JPH2: variants seen among roughly 807,000 people sequenced by gnomAD.
JPH2 encodes junctophilin-2.
A neutral mutation model predicts 55.9 loss-of-function variants in JPH2; 38 were observed. The observed-to-expected ratio is 0.68, with a 90% CI of 0.52 to 0.89. The LOEUF is 0.89. JPH2 is among the 40% of genes least tolerant of loss of function. JPH2 has a pLI of 0.00. For missense variants in JPH2, 964 were observed against 1,037.6 expected, an observed-to-expected ratio of 0.93 and a Z score of 0.97; for synonymous variants, 480 against 472.4, an observed-to-expected ratio of 1.02 and a Z score of -0.21.
At chr20:44,134,807 A>G (rs1360979086) in intron 2 of JPH2, among the ~76,000 whole-genome samples, 2 of 115,488 alleles carry the variant, frequency 1.7e-5, no homozygotes, top group African/African-American at 6.7e-5. Context: ...TTTATTATAA[A>G]TATATATAAA....
chr20:44,116,307 G>T lies in JPH2; in HGVS notation c.1368C>A (p.Gly456=). 1.3e-6 allele frequency: 2 copies of T among 1,541,338 alleles called. No homozygotes were observed. Among genetic ancestry groups the T allele is most frequent in the East Asian group, 2.5e-5 (1 of 40,582 alleles). The change falls in exon 4 of 6, where the codon GGC becomes GGA. Residue 456 remains glycine (G), a synonymous_variant. Coordinates refer to ENST00000372980, the MANE Select transcript of JPH2 (RefSeq NM_020433.5). ...GCTGTGGGAGGCCCGCTGCGCCGGC[G>T]CCCCGGTCGGGGGGCTCCAGCAGGC... is the stretch of plus-strand genomic sequence containing the variant. ...SESLLEPPDR[G]AGAAGLPQPP...
At position 44,162,787 on chromosome 20, in the gene JPH2, TACACAC is replaced by T. The variant is rs765198116; in HGVS notation, c.380-2386_380-2381del. Among the ~76,000 whole-genome samples, 145 of 40,956 alleles carry T rather than the reference TACACAC, an allele frequency of 3.5e-3. 2 individuals are homozygous for T. Among genetic ancestry groups the T allele is most frequent in the African/African-American group, 6.7e-3 (54 of 8,082 alleles). 26.9% of individuals were successfully genotyped at this position (40,956 alleles called of 152,430 possible). A position where few individuals can be genotyped will look rare whatever the true frequency, so the allele number is the denominator to read the frequency against. On this transcript the variant is annotated intron_variant, in intron 1 of 5. Coordinates refer to ENST00000372980, the MANE Select transcript of JPH2 (RefSeq NM_020433.5). ...ATATATATATATATATATATATATA[TACACAC>T]ACACACACACACACACACACACACA...
rs188188836 is a variant in JPH2 at position 44,177,113 on chromosome 20, G to T, written c.379+9214C>A. 9.9e-5 allele frequency: 98 copies of T among 985,580 alleles called. 1 individual carries two copies. In the East Asian group the frequency reaches 5.3e-3, roughly 54 times the overall value. 61.1% of individuals were successfully genotyped at this position (985,580 alleles called of 1,614,324 possible). A position where few individuals can be genotyped will look rare whatever the true frequency, so the allele number is the denominator to read the frequency against. On this transcript the variant is annotated intron_variant, in intron 1 of 5. Transcript: ENST00000372980. ...AACTCTCATCAGTTCCCTTTAAGCA[G>T]GGAGTGAAAGTTACACGGGAGGGAG...
intron 2 of JPH2, among the ~76,000 whole-genome samples, chr20:44,149,745 GA>G (rs2072517959): frequency 6.6e-6 from 1 of 152,164 alleles, no homozygotes; most frequent in Non-Finnish European, 1.5e-5. Flanking sequence ...TTGGGAGGCC[GA>G]AGCAGTGGGT....
chr20:44,140,400 TCCA>T (rs1478251572), intron 2 of JPH2, among the ~76,000 whole-genome samples: 1 of 152,144 alleles, frequency 6.6e-6, no homozygotes, highest in Non-Finnish European at 1.5e-5. Flanking sequence ...TCCAGGGGCC[TCCA>T]CCCCTTGGGC....
chr20:44,185,843 A>G (rs968051300), intron 1 of JPH2, among the ~76,000 whole-genome samples: 1 of 151,550 alleles, frequency 6.6e-6, no homozygotes, highest in Non-Finnish European at 1.5e-5. Context: ...GAATGGATGG[A>G]TGGACGGGTG....
At position 44,186,762 on chromosome 20, in the gene JPH2, G is replaced by A. The variant is rs1019527883; in HGVS notation, c.-57C>T. 6.5e-6 allele frequency: 10 copies of A among 1,548,104 alleles called. No homozygotes were observed. In the African/African-American group the frequency reaches 1.2e-4, roughly 19 times the overall value. On this transcript the variant is annotated 5_prime_UTR_variant, in exon 1 of 6. Transcript: ENST00000372980. ...TCCAGCGTGGGTGCAGAGGGCGTGG[G>A]TGATGCCTGCAACACTCCTCCAGTG...
chr20:44,162,960 T>C (rs1304338943), intron 1 of JPH2, among the ~76,000 whole-genome samples: 3 of 151,418 alleles, frequency 2.0e-5, no homozygotes, highest in African/African-American at 7.3e-5. Context: ...TATACATCCA[T>C]TATGAACCCA....
In JPH2 at chr20:44,180,424, C is replaced by T. The variant is rs951432791; in HGVS notation, c.379+5903G>A. 6.6e-5 allele frequency among the ~76,000 whole-genome samples: 10 copies of T among 152,100 alleles called. No individual in the cohort carries two copies. In the South Asian group the frequency reaches 1.2e-3, roughly 19 times the overall value. On this transcript the variant is annotated intron_variant, in intron 1 of 5. Transcript: ENST00000372980. The stretch of plus-strand genomic sequence containing the variant: ...ATGGCTCACTGCAGCCTCGACCTCC[C>T]GGGCTCAAGCGATCCTCCCACCTTA...
chr20:44,145,551 T>A (rs2072488501), intron 2 of JPH2, among the ~76,000 whole-genome samples: 1 of 148,332 alleles, frequency 6.7e-6, no homozygotes, highest in Admixed American at 6.8e-5. Context: ...CTGCAATAAG[T>A]CGAGATTCCA....
At chr20:44,151,701 C>A (rs571180009) in intron 2 of JPH2, among the ~76,000 whole-genome samples, 1 of 152,114 alleles carries the variant, frequency 6.6e-6, no homozygotes, top group East Asian at 1.9e-4. Flanking sequence ...TGCCTGGCCC[C>A]TGGAACCTTT....
Position 44,166,193 on chromosome 20 carries a change from A to G in JPH2, c.380-5786T>C, listed in dbSNP as rs142670215. 4.7e-3 allele frequency among the ~76,000 whole-genome samples: 716 copies of G among 152,340 alleles called. 3 individuals are homozygous for G. Among genetic ancestry groups the G allele is most frequent in the Non-Finnish European group, 8.1e-3 (553 of 68,030 alleles). On this transcript the variant is annotated intron_variant, in intron 1 of 5. Transcript: ENST00000372980. ...ATCTGCAAACAGCTCTGTGGAAATG[A>G]CAGCTCCGGGGAGGTATTTTATGGT...
chr20:44,167,896 C>T (rs975835409), intron 1 of JPH2, among the ~76,000 whole-genome samples: 2 of 152,264 alleles, frequency 1.3e-5, no homozygotes, highest in East Asian at 1.9e-4. Flanking sequence ...TGGACATGAT[C>T]GCTGCCAGCA....
chr20:44,175,833 G>A (rs1368860078), intron 1 of JPH2, among the ~76,000 whole-genome samples: 3 of 152,224 alleles, frequency 2.0e-5, no homozygotes, highest in Admixed American at 2.0e-4. Context: ...GCCTTGGAGA[G>A]CAGAAATGAT....
intron 2 of JPH2, among the ~76,000 whole-genome samples, chr20:44,150,159 A>G (rs2072521975): frequency 6.6e-6 from 1 of 152,008 alleles, no homozygotes; most frequent in African/African-American, 2.4e-5. Context: ...AAACAGCACC[A>G]TAAGGAATCA....
rs571349094 is a variant in JPH2 at position 44,119,316 on chromosome 20, G to A, written c.1170-693C>T. ...ATGAAAATATATGAGATTTCTATTG[G>A]TGACAAAGTCACAGCTGCTACTACT... On this transcript the variant is annotated intron_variant, in intron 2 of 5. Coordinates refer to ENST00000372980, the MANE Select transcript of JPH2 (RefSeq NM_020433.5). 4.0e-3 allele frequency among the ~76,000 whole-genome samples: 606 copies of A among 152,238 alleles called. 4 individuals are homozygous for A. Among genetic ancestry groups the A allele is most frequent in the African/African-American group, 0.014 (572 of 41,516 alleles).
intron 2 of JPH2, among the ~76,000 whole-genome samples, chr20:44,121,831 T>A (rs1014949760): frequency 2.7e-4 from 39 of 144,686 alleles, no homozygotes; most frequent in African/African-American, 9.4e-4. Flanking sequence ...TACTAACAAT[T>A]AAAAAAAAAA....
Position 44,108,012 on chromosome 20 carries a change from G to A in JPH2, c.*5506C>T, listed in dbSNP as rs939009074. On this transcript the variant is annotated 3_prime_UTR_variant, in exon 6 of 6. Coordinates refer to ENST00000372980, the MANE Select transcript of JPH2 (RefSeq NM_020433.5). ...AAATCAACCACAGGGTTAAAAGATTGGGGCTTTGGGCTATGTGATGTCAGC... is the reference window on the plus strand; with the variant it reads ...AAATCAACCACAGGGTTAAAAGATTAGGGCTTTGGGCTATGTGATGTCAGC... 5.4e-4 allele frequency among the ~76,000 whole-genome samples: 82 copies of A among 152,206 alleles called. No homozygotes were observed. Among genetic ancestry groups the A allele is most frequent in the African/African-American group, 2.0e-3 (81 of 41,440 alleles).
chr20:44,142,807 GT>G (rs2072467278), intron 2 of JPH2, among the ~76,000 whole-genome samples: 1 of 152,188 alleles, frequency 6.6e-6, no homozygotes, highest in South Asian at 2.1e-4. Context: ...CTTGTTGTAT[GT>G]ATTTCAAGGC....
Sources: allele counts gnomAD v4.1 joint callset (sites outside exome capture counted in the v4.1 genomes callset), GRCh38; gene constraint gnomAD v4.1.1; transcripts MANE v1.5; gene names NCBI Gene and HGNC (gene_info 2026-07-23, HGNC 2026-07-21).